The following ARHGAP10 variants were observed in gnomAD, a reference collection of about 807,000 sequenced individuals.
ARHGAP10 encodes Rho GTPase activating protein 10.
A neutral mutation model predicts 108.6 loss-of-function variants in ARHGAP10; 87 were observed. The ratio of observed to expected loss-of-function variants is 0.80; its 90% confidence interval spans 0.67 to 0.96. The LOEUF is 0.96. Among genes scored for constraint, ARHGAP10 ranks in the 40% least tolerant of loss-of-function variants. The pLI, the probability that ARHGAP10 is intolerant of heterozygous loss-of-function variation, is 0.00. For synonymous variants in ARHGAP10, 347 were observed against 341.1 expected (o/e 1.02, Z -0.19); for missense variants, 939 against 954.5 (o/e 0.98, Z 0.21).
At chr4:147,782,938 TATATATTATATAA>T (rs1410667150) in intron 1 of ARHGAP10, among the ~76,000 whole-genome samples, 1 of 137,642 alleles carries the variant, frequency 7.3e-6, no homozygotes, top group Non-Finnish European at 1.6e-5. Context: ...TATATAAAAT[TATATATTATATAA>T]ATTATATATA....
rs1017523343 is a variant in ARHGAP10, at chr4:147,820,891, T to C, written c.155-1836T>C. Among the ~76,000 whole-genome samples the C allele has an allele frequency of 3.3e-5, 5 of 152,148 alleles. No homozygotes were observed. The East Asian group carries it at 7.7e-4, about 24-fold the overall frequency. ...CAGGCGTGAACCACCACACTGGCCA[T>C]ATTTTACATTTTAACACAACCAAAT... is the stretch of plus-strand genomic sequence containing the variant. On this transcript the variant is annotated intron_variant, in intron 1 of 22. Coordinates refer to ENST00000336498, the MANE Select transcript of ARHGAP10 (RefSeq NM_024605.4).
At chr4:147,982,535 C>T (rs1739854380) in intron 18 of ARHGAP10, among the ~76,000 whole-genome samples, 1 of 146,926 alleles carries the variant, frequency 6.8e-6, no homozygotes, top group South Asian at 2.1e-4. Context: ...TGCCATCACA[C>T]CCAGCTAAAT....
In ARHGAP10 at chr4:147,852,234, A is replaced by G. The variant is rs1297522755; in HGVS notation, c.384+5012A>G. ...CATGTGGCTTATGACCTTTATGGAC[A>G]AATAGTGCTAAGGCACTGGATTAGT... On this transcript the variant is annotated intron_variant, in intron 4 of 22. Coordinates refer to ENST00000336498, the MANE Select transcript of ARHGAP10 (RefSeq NM_024605.4). 2.0e-5 allele frequency among the ~76,000 whole-genome samples: 3 copies of G among 152,316 alleles called. No individual in the cohort carries two copies. In the East Asian group the frequency reaches 5.8e-4, roughly 29 times the overall value.
chr4:148,065,924 T>C (rs1406783729), intron 22 of ARHGAP10, among the ~76,000 whole-genome samples: 1 of 146,924 alleles, frequency 6.8e-6, no homozygotes, highest in Non-Finnish European at 1.5e-5. Context: ...GGCAGGAGGA[T>C]CACTTGTGCC....
At chr4:148,029,355 G>A (rs1003844616) in intron 19 of ARHGAP10, among the ~76,000 whole-genome samples, 16 of 152,118 alleles carry the variant, frequency 1.1e-4, no homozygotes, top group East Asian at 3.9e-4. Flanking sequence ...TCACGGCAGC[G>A]GTGCACTCTG....
In ARHGAP10 at chr4:147,955,354, G is replaced by T. The variant is rs1275622213; in HGVS notation, c.1430G>T (p.Gly477Val). ...PEPLMTYELHGDFIVPAKSGS... is the reference protein window; with the variant it reads ...PEPLMTYELHVDFIVPAKSGS... ...CCTCTCATGACCTATGAGTTACATG[G>T]AGATTTCATTGTTCCAGCCAGTAAG... Residue 477 changes from glycine to valine, a missense_variant, in exon 16 of 23, where the codon GGA (glycine) becomes GTA (valine). Gly to Val is a moderately radical substitution (Grantham distance 109). Coordinates refer to ENST00000336498, the MANE Select transcript of ARHGAP10 (RefSeq NM_024605.4). 6.2e-7 allele frequency: 1 copy of T among 1,611,408 alleles called. No homozygotes were observed. Among genetic ancestry groups the T allele is most frequent in the African/African-American group, 1.3e-5 (1 of 74,772 alleles).
chr4:147,977,610 G>A (rs1739644164), intron 18 of ARHGAP10, among the ~76,000 whole-genome samples: 1 of 152,066 alleles, frequency 6.6e-6, no homozygotes, highest in South Asian at 2.1e-4. Context: ...GCTCTAAAGT[G>A]GAATTCCTGG....
chr4:147,732,273 G>A lies in ARHGAP10; in HGVS notation c.-29G>A. Reference sequence around the variant, plus strand: ...TCGGCTCGGGCAGGAGCGCGCGGCCGTGCGCACCGCGCAGCGACCGCTGCC... The same window carrying A: ...TCGGCTCGGGCAGGAGCGCGCGGCCATGCGCACCGCGCAGCGACCGCTGCC... On this transcript the variant is annotated 5_prime_UTR_variant, in exon 1 of 23. In the 5' UTR this introduces an upstream ATG that the reference lacks. Transcript: ENST00000336498. 1.9e-6 allele frequency: 3 copies of A among 1,558,882 alleles called. No individual in the cohort carries two copies. The highest frequency in any genetic ancestry group is 1.2e-5 in the South Asian group (1 of 83,326).
chr4:148,023,487 C>T, intron 19 of ARHGAP10, 74 bp downstream of exon 19: 1 of 1,423,284 alleles, frequency 7.0e-7, no homozygotes, highest in Non-Finnish European at 9.4e-7. Context: ...CAGGGCAGGC[C>T]ACAGTTTTCT....
chr4:148,011,327 A>C (rs943417138), intron 18 of ARHGAP10, among the ~76,000 whole-genome samples: 1 of 152,208 alleles, frequency 6.6e-6, no homozygotes, highest in Non-Finnish European at 1.5e-5. Flanking sequence ...CTTGATGTCT[A>C]GAGCTTCAGC....
intron 1 of ARHGAP10, among the ~76,000 whole-genome samples, chr4:147,804,985 C>T (rs946925354): frequency 9.9e-5 from 15 of 152,040 alleles, no homozygotes; most frequent in African/African-American, 3.1e-4. Context: ...TAATTAGGTC[C>T]CATTTGTCAA....
chr4:147,873,725 CTT>C (rs1266122775), intron 7 of ARHGAP10, among the ~76,000 whole-genome samples: 2 of 148,732 alleles, frequency 1.3e-5, no homozygotes, highest in African/African-American at 2.5e-5. Flanking sequence ...CACACACACT[CTT>C]GGCCTGGTGT....
rs573677484 is a variant in ARHGAP10 at position 148,061,213 on chromosome 4, G to C, written c.2028-1935G>C. On this transcript the variant is annotated intron_variant, in intron 20 of 22. Transcript: ENST00000336498. ...CACATAGTTACTTTATCTTCTTCCT[G>C]TAACTGTCCTCCCTCTAGGCAGAGG... Among the ~76,000 whole-genome samples the C allele has an allele frequency of 6.6e-5, 10 of 151,838 alleles. No homozygotes were observed. The South Asian group carries it at 1.7e-3, about 25-fold the overall frequency.
chr4:147,943,289 T>G (rs1387170108), intron 14 of ARHGAP10, among the ~76,000 whole-genome samples: 1 of 152,224 alleles, frequency 6.6e-6, no homozygotes, highest in Non-Finnish European at 1.5e-5. Flanking sequence ...GACCTTATTT[T>G]CACACATAAA....
rs111982195 is a variant in ARHGAP10 at position 147,743,057 on chromosome 4, A to G, written c.154+10602A>G. 9.7e-3 allele frequency among the ~76,000 whole-genome samples: 1,431 copies of G among 147,798 alleles called. 31 individuals are homozygous for G. Among genetic ancestry groups the G allele is most frequent in the African/African-American group, 0.033 (1,347 of 40,244 alleles). On this transcript the variant is annotated intron_variant, in intron 1 of 22. Transcript: ENST00000336498. ...TTTTTTTTAATTTTTATTTTTGGAGACAGTCTCACTCTGTCACCCAGGCTG... is the reference window on the plus strand; with the variant it reads ...TTTTTTTTAATTTTTATTTTTGGAGGCAGTCTCACTCTGTCACCCAGGCTG...
chr4:147,755,464 G>A (rs1452381548), intron 1 of ARHGAP10, among the ~76,000 whole-genome samples: 5 of 151,586 alleles, frequency 3.3e-5, no homozygotes, highest in Admixed American at 2.0e-4. Flanking sequence ...CGGAGGTTGC[G>A]GTGAGCCGAG....
chr4:148,046,611 G>A lies in ARHGAP10; in HGVS notation c.1868-281G>A, dbSNP rs570053173. On this transcript the variant is annotated intron_variant, in intron 19 of 22. Coordinates refer to ENST00000336498, the MANE Select transcript of ARHGAP10 (RefSeq NM_024605.4). ...TACCTGGACTCCGTATAGTGAGGAA[G>A]TCATTGTGGCTGCCATTATGCCTTT... 4.4e-4 allele frequency among the ~76,000 whole-genome samples: 67 copies of A among 152,284 alleles called. 2 individuals carry two copies. The South Asian group carries it at 0.013, about 30-fold the overall frequency.
chr4:147,908,143 C>G (rs1358808293), intron 11 of ARHGAP10, among the ~76,000 whole-genome samples: 1 of 152,136 alleles, frequency 6.6e-6, no homozygotes, highest in Non-Finnish European at 1.5e-5. Flanking sequence ...CACACCCAGC[C>G]TTATTTCTAT....
chr4:148,042,969 G>A (rs555361824), intron 19 of ARHGAP10, among the ~76,000 whole-genome samples: 5 of 152,232 alleles, frequency 3.3e-5, no homozygotes, highest in South Asian at 2.1e-4. Flanking sequence ...TCTTGTGGCA[G>A]TGGCAGTCCT....
Sources: allele counts gnomAD v4.1 joint callset (sites outside exome capture counted in the v4.1 genomes callset), GRCh38; gene constraint gnomAD v4.1.1; transcripts MANE v1.5; gene names NCBI Gene and HGNC (gene_info 2026-07-23, HGNC 2026-07-21).